The following NVL variants were observed in gnomAD, a reference collection of about 807,000 sequenced individuals.
NVL encodes nuclear VCP like.
A neutral mutation model predicts 110.2 loss-of-function variants in NVL; 84 were observed. That is an observed-to-expected ratio of 0.76 (90% CI 0.64 to 0.91). The LOEUF (loss-of-function observed/expected upper bound fraction) is 0.91, where lower values mean the gene tolerates loss of function less well. NVL is among the 40% of genes least tolerant of loss of function. The pLI is 0.00. For missense variants in NVL, 882 were observed against 1,035.9 expected, an observed-to-expected ratio of 0.85 and a Z score of 2.04; for synonymous variants, 354 against 361.1, an observed-to-expected ratio of 0.98 and a Z score of 0.22.
intron 14 of NVL, 55 bp downstream of exon 14, chr1:224,287,720 T>C (rs1666997168): frequency 2.1e-6 from 3 of 1,458,688 alleles, no homozygotes; most frequent in Non-Finnish European, 2.9e-6. Context: ...TGGAGCTTTA[T>C]CTCTGGTCTT....
At chr1:224,323,764 A>C (rs1046117068) in intron 2 of NVL, among the ~76,000 whole-genome samples, 4 of 152,228 alleles carry the variant, frequency 2.6e-5, no homozygotes, top group Admixed American at 1.3e-4. Flanking sequence ...CCTAGGTAAC[A>C]GGGCAGGATC....
chr1:224,270,087 T>C (rs1208555452), intron 17 of NVL, among the ~76,000 whole-genome samples: 1 of 146,496 alleles, frequency 6.8e-6, no homozygotes, highest in Non-Finnish European at 1.5e-5. Flanking sequence ...CTGATTTCTC[T>C]AGAAAAAAAA....
chr1:224,248,441 A>C (rs1441942976), intron 19 of NVL, among the ~76,000 whole-genome samples: 2 of 152,112 alleles, frequency 1.3e-5, no homozygotes, highest in African/African-American at 4.8e-5. Context: ...TTTCTACCCT[A>C]CAAAGATGAT....
intron 8 of NVL, 108 bp downstream of exon 8, chr1:224,304,628 G>A: frequency 1.1e-6 from 1 of 947,434 alleles, no homozygotes; most frequent in East Asian, 2.4e-5. Context: ...AACCTTCCCA[G>A]TTTCCTTTTC....
At chr1:224,322,691 T>G (rs567656328) in intron 2 of NVL, among the ~76,000 whole-genome samples, 2 of 152,180 alleles carry the variant, frequency 1.3e-5, no homozygotes, top group Non-Finnish European at 2.9e-5. Flanking sequence ...TGGTGGCTCA[T>G]GCCTATAATC....
chr1:224,328,195 A>G (rs754647816), intron 1 of NVL, among the ~76,000 whole-genome samples: 14 of 151,880 alleles, frequency 9.2e-5, no homozygotes, highest in Non-Finnish European at 2.1e-4. Context: ...TACATTAGGT[A>G]TTTTTCCTAA....
chr1:224,262,414 C>G (rs1664083505), intron 18 of NVL, among the ~76,000 whole-genome samples: 1 of 151,760 alleles, frequency 6.6e-6, no homozygotes, highest in Non-Finnish European at 1.5e-5. Context: ...TACAAGCAGT[C>G]AAAAAAATCT....
chr1:224,273,052 C>CAAAAAAAAAA (rs1416218877), intron 17 of NVL, among the ~76,000 whole-genome samples: 18 of 141,158 alleles, frequency 1.3e-4, no homozygotes, highest in African/African-American at 1.9e-4. Flanking sequence ...ACAAAAAAAA[C>CAAAAAAAAAA]AAACAAACAA....
At chr1:224,301,888 C>G (rs952819561) in intron 9 of NVL, 2 of 161,642 alleles carry the variant, frequency 1.2e-5, no homozygotes, top group Non-Finnish European at 2.7e-5. Context: ...CTCAACCATA[C>G]CTTCCTTGAA....
chr1:224,266,047 A>C (rs955953530), intron 18 of NVL, among the ~76,000 whole-genome samples: 1 of 152,230 alleles, frequency 6.6e-6, no homozygotes, highest in Non-Finnish European at 1.5e-5. Flanking sequence ...TAGTACAAAC[A>C]ATTAAACAGA....
At chr1:224,288,074 A>C in intron 13 of NVL, 81 bp from the exon 14 acceptor site, 1 of 1,000,800 alleles carries the variant, frequency 1.0e-6, no homozygotes, top group East Asian at 2.4e-5. Flanking sequence ...ACTTGTAAAA[A>C]TTATTACTGT....
chr1:224,231,249 C>T lies in NVL; in HGVS notation c.2503G>A (p.Val835Ile). The change falls in exon 22 of 23, where the codon GTA (valine) becomes ATA (isoleucine). Residue 835 changes from valine (V) to isoleucine (I), a missense_variant. Val to Ile is a conservative substitution (Grantham distance 29). Transcript: ENST00000281701. Reference protein sequence around the residue: ...HKHFEEAFKKVRSSISKKDQI... With the variant: ...HKHFEEAFKKIRSSISKKDQI... Reference sequence around the variant, plus strand: ...ACCTTTTTTGATATAGATGATCTTACTTTCTTGAAAGCTTCTTCAAAATGC... The same window carrying T: ...ACCTTTTTTGATATAGATGATCTTATTTTCTTGAAAGCTTCTTCAAAATGC... The T allele has an allele frequency of 6.2e-7, 1 of 1,612,354 alleles. No homozygotes were observed. Among genetic ancestry groups the T allele is most frequent in the Non-Finnish European group, 8.5e-7 (1 of 1,179,400 alleles).
intron 4 of NVL, chr1:224,312,480 T>G (rs1669618104): frequency 1.3e-5 from 2 of 152,288 alleles, no homozygotes; most frequent in Admixed American, 1.3e-4. Context: ...ATCTAATAGC[T>G]TCAAGTAACT....
intron 18 of NVL, among the ~76,000 whole-genome samples, chr1:224,262,922 G>C (rs1664131489): frequency 6.6e-6 from 1 of 152,192 alleles, no homozygotes; most frequent in African/African-American, 2.4e-5. Context: ...AATACTGGGA[G>C]AATGGGGAAG....
chr1:224,273,554 T>C lies in NVL; in HGVS notation c.2082+1785A>G, dbSNP rs1440950405. 4.6e-5 allele frequency among the ~76,000 whole-genome samples: 7 copies of C among 152,280 alleles called. No individual in the cohort carries two copies. The South Asian group carries it at 8.3e-4, about 18-fold the overall frequency. On this transcript the variant is annotated intron_variant, in intron 17 of 22. Transcript: ENST00000281701. ...AAGTTAGACATGTACTTCATACGGCTACAGACTTCTTTGAGGGCAACAGTT... is the reference window on the plus strand; with the variant it reads ...AAGTTAGACATGTACTTCATACGGCCACAGACTTCTTTGAGGGCAACAGTT...
In NVL at chr1:224,317,692, ACTC is replaced by A. The variant is rs1558357302; in HGVS notation, c.283_284+1del. 6.5e-7 allele frequency: 1 copy of A among 1,543,660 alleles called. No homozygotes were observed. Among genetic ancestry groups the A allele is most frequent in the African/African-American group, 1.4e-5 (1 of 73,360 alleles). On this transcript the variant is annotated splice_donor_variant and coding_sequence_variant, in exon 4 of 23. Coordinates refer to ENST00000281701, the MANE Select transcript of NVL (RefSeq NM_002533.4). LOFTEE classifies it high-confidence loss of function. ...AAAAAACCCTGCATTTGGTATACTT[ACTC>A]ATTATCCTCTTCACCTTGTCTTGCC...
chr1:224,232,960 T>C (rs974063551), intron 21 of NVL: 1 of 366,470 alleles, frequency 2.7e-6, no homozygotes, highest in Non-Finnish European at 4.9e-6. Flanking sequence ...AGACAGCGAA[T>C]GGATCCATTT....
intron 17 of NVL, among the ~76,000 whole-genome samples, chr1:224,273,908 G>A (rs1207136765): frequency 3.3e-5 from 5 of 151,980 alleles, no homozygotes; most frequent in African/African-American, 4.8e-5. Context: ...AAACAAAACC[G>A]CTAAAATGTG....
chr1:224,255,380 G>A (rs1558262442), intron 18 of NVL, among the ~76,000 whole-genome samples: 1 of 151,252 alleles, frequency 6.6e-6, no homozygotes, highest in Non-Finnish European at 1.5e-5. Context: ...TTTTAGTAGA[G>A]ACGGAGTTTC....
Sources: allele counts gnomAD v4.1 joint callset (sites outside exome capture counted in the v4.1 genomes callset), GRCh38; gene constraint gnomAD v4.1.1; transcripts MANE v1.5; gene names NCBI Gene and HGNC (gene_info 2026-07-23, HGNC 2026-07-21).